CBFA2T3: variants seen among roughly 807,000 people sequenced by gnomAD.
CBFA2T3 encodes CBFA2/RUNX1 partner transcriptional co-repressor 3.
A neutral mutation model predicts 58.6 loss-of-function variants in CBFA2T3; 31 were observed. The ratio of observed to expected loss-of-function variants is 0.53; its 90% CI spans 0.40 to 0.71. The LOEUF (loss-of-function observed/expected upper bound fraction) is 0.71. CBFA2T3 is among the 30% of genes least tolerant of loss of function. The pLI is 0.00. For synonymous variants in CBFA2T3, 531 were observed against 421.9 expected (o/e 1.26, Z -3.17); for missense variants, 1,076 against 963.1 (o/e 1.12, Z -1.55).
intron 5 of CBFA2T3, among the ~76,000 whole-genome samples, chr16:88,891,088 C>A (rs1969611478): frequency 6.6e-6 from 1 of 152,150 alleles, no homozygotes; most frequent in African/African-American, 2.4e-5. Flanking sequence ...GTGTGACCAT[C>A]TGACCTGCTT....
intron 3 of CBFA2T3, among the ~76,000 whole-genome samples, chr16:88,896,246 A>T (rs1033773698): frequency 6.6e-6 from 1 of 152,138 alleles, no homozygotes; most frequent in Non-Finnish European, 1.5e-5. Context: ...GGATTGAGAC[A>T]TCTCTGTTGC....
intron 1 of CBFA2T3, among the ~76,000 whole-genome samples, chr16:88,909,009 C>T (rs533062305): frequency 2.9e-4 from 44 of 152,248 alleles, no homozygotes; most frequent in African/African-American, 8.2e-4. Flanking sequence ...AATATGCTCC[C>T]GGGGAGCGGG....
At position 88,881,273 on chromosome 16, in the gene CBFA2T3, C is replaced by T. The variant is rs534264933; in HGVS notation, c.1402+18G>A. On this transcript the variant is annotated intron_variant, in intron 9 of 11. Transcript: ENST00000268679. ...GAGCACCCCGTGTCTGCTCCCTCCC[C>T]CCACACCCCACACGCACCTAGCTGA... 5 of 1,594,326 alleles carry T rather than the reference C, an allele frequency of 3.1e-6. No individual in the cohort carries two copies. In the Admixed American group the frequency reaches 8.4e-5, roughly 27 times the overall value.
chr16:88,947,823 G>A (rs572687805), intron 1 of CBFA2T3, among the ~76,000 whole-genome samples: 84 of 152,278 alleles, frequency 5.5e-4, no homozygotes, highest in African/African-American at 2.0e-3. Context: ...CTGAGGCAGT[G>A]GGATTGCTTG....
At chr16:88,928,666 G>C (rs761608616) in intron 1 of CBFA2T3, among the ~76,000 whole-genome samples, 1 of 152,224 alleles carries the variant, frequency 6.6e-6, no homozygotes, top group African/African-American at 2.4e-5. Context: ...TGAGCGCCTC[G>C]TGTGTCAGGT....
At chr16:88,975,952 G>A (rs1009150394) in intron 1 of CBFA2T3, among the ~76,000 whole-genome samples, 1 of 152,244 alleles carries the variant, frequency 6.6e-6, no homozygotes. Flanking sequence ...TGCTGGGAGT[G>A]TGGCCACGAG....
At chr16:88,904,603 G>A (rs1970231884) in intron 1 of CBFA2T3, among the ~76,000 whole-genome samples, 1 of 152,272 alleles carries the variant, frequency 6.6e-6, no homozygotes, top group Non-Finnish European at 1.5e-5. Context: ...AGGGGCAGGA[G>A]GCCCCGTGCC....
chr16:88,892,037 A>G (rs1969652743), intron 4 of CBFA2T3, 66 bp from the exon 5 acceptor site: 3 of 1,441,314 alleles, frequency 2.1e-6, no homozygotes, highest in African/African-American at 1.4e-5. Flanking sequence ...CGACCCACCC[A>G]TGCCTGAGGA....
chr16:88,975,163 GACCCTCTCTGCTCCACATCTTTAGCCAT>G (rs1972798168), intron 1 of CBFA2T3, among the ~76,000 whole-genome samples: 2 of 134,278 alleles, frequency 1.5e-5, no homozygotes, highest in Admixed American at 7.5e-5. Context: ...GGTCCACCCT[GACCCTCTCTGCTCCACATCTTTAGCCAT>G]GTCAGAGGTC....
intron 1 of CBFA2T3, among the ~76,000 whole-genome samples, chr16:88,911,095 A>G (rs988413633): frequency 6.6e-6 from 1 of 152,228 alleles, no homozygotes; most frequent in Non-Finnish European, 1.5e-5. Context: ...CCACAGGGAC[A>G]AGGAGCCAAG....
At position 88,953,593 on chromosome 16, in the gene CBFA2T3, C is replaced by A. The variant is rs992894170; in HGVS notation, c.151+23064G>T. On this transcript the variant is annotated intron_variant, in intron 1 of 11. Coordinates refer to ENST00000268679, the MANE Select transcript of CBFA2T3 (RefSeq NM_005187.6). This position sits in a 1 kb window ranked among gnomAD's most constrained non-coding sequence, Gnocchi z 4.9. ...AATGTAGAGGCCTGGGGGCTCCCGG[C>A]TGGGGACAGTGCCAGCAGGAGTGGC... 6.6e-6 allele frequency among the ~76,000 whole-genome samples: 1 copy of A among 152,152 alleles called. No individual in the cohort carries two copies. Among genetic ancestry groups the A allele is most frequent in the Non-Finnish European group, 1.5e-5 (1 of 68,018 alleles).
At chr16:88,925,070 G>C (rs566574210) in intron 1 of CBFA2T3, among the ~76,000 whole-genome samples, 50 of 152,352 alleles carry the variant, frequency 3.3e-4, no homozygotes, top group African/African-American at 1.1e-3. Flanking sequence ...GGAAGCAGTG[G>C]AGAGAGAGGG....
At chr16:88,947,941 AT>A (rs1298141703) in intron 1 of CBFA2T3, among the ~76,000 whole-genome samples, 1 of 152,172 alleles carries the variant, frequency 6.6e-6, no homozygotes, top group Non-Finnish European at 1.5e-5. Flanking sequence ...TACAAAGTAA[AT>A]TTTTGTTGGA....
rs762536782 is a variant in CBFA2T3, at chr16:88,976,773, C to A, written c.35G>T (p.Ser12Ile). 10 of 1,556,086 alleles carry A rather than the reference C, an allele frequency of 6.4e-6. No individual in the cohort carries two copies. The African/African-American group carries it at 1.4e-4, about 21-fold the overall frequency. Residue 12 changes from serine to isoleucine, a missense_variant, in exon 1 of 12, where the codon AGT becomes ATT. Coordinates refer to ENST00000268679, the MANE Select transcript of CBFA2T3 (RefSeq NM_005187.6). The stretch of plus-strand genomic sequence containing the variant: ...GCCACAGGTGGATCCCGAGGCTGAA[C>A]TGGCTGCCCTGTCCCTCAGTCTTGA... The part of the protein sequence containing the change: ...PASRLRDRAA[S>I]SASGSTCGSM...
At chr16:88,956,967 T>C (rs1270593438) in intron 1 of CBFA2T3, among the ~76,000 whole-genome samples, 1 of 147,140 alleles carries the variant, frequency 6.8e-6, no homozygotes, top group African/African-American at 2.6e-5. Context: ...AAGAAGTGGC[T>C]CACCCGGAGA....
At chr16:88,898,302 C>A (rs571895611) in intron 2 of CBFA2T3, 150 bp from the exon 3 acceptor site, 4 of 635,268 alleles carry the variant, frequency 6.3e-6, no homozygotes, top group Non-Finnish European at 5.5e-6. Context: ...GCACCCGGGC[C>A]GCCTTTTCTT....
intron 1 of CBFA2T3, among the ~76,000 whole-genome samples, chr16:88,916,265 G>T (rs985223537): frequency 7.1e-6 from 1 of 140,472 alleles, no homozygotes; most frequent in African/African-American, 2.7e-5. Context: ...CGTGTGCATG[G>T]CTGTGTCTGT....
At chr16:88,942,790 T>A (rs2142816272) in intron 1 of CBFA2T3, among the ~76,000 whole-genome samples, 1 of 152,310 alleles carries the variant, frequency 6.6e-6, no homozygotes, top group Non-Finnish European at 1.5e-5. Flanking sequence ...TTTCAGACTG[T>A]GCGTAACATG....
intron 1 of CBFA2T3, among the ~76,000 whole-genome samples, chr16:88,975,210 C>CCTGCAGCCATGTCAGAGGTCCACCCTGAT (rs1567644081): frequency 5.9e-5 from 6 of 102,094 alleles, no homozygotes; most frequent in East Asian, 3.1e-4. Flanking sequence ...TCCACCCTGA[C>CCTGCAGCCATGTCAGAGGTCCACCCTGAT]CCTCTGCTCC....
Sources: gnomAD v4.1 joint callset for allele counts (sites outside exome capture counted in the v4.1 genomes callset) on GRCh38, gnomAD v4.1.1 for gene constraint, Gnocchi (gnomAD v3.1) non-coding constraint, MANE v1.5 for transcripts, NCBI Gene and HGNC (gene_info 2026-07-23, HGNC 2026-07-21) for gene names.